The following COA1 variants were observed in gnomAD, a reference collection of about 807,000 sequenced individuals.
COA1 encodes the protein cytochrome c oxidase assembly factor 1.
A neutral mutation model predicts 16.0 loss-of-function variants in COA1; 13 were observed. The observed-to-expected ratio is 0.81, with a 90% CI of 0.53 to 1.29. The LOEUF is 1.29. Among genes scored for constraint, COA1 ranks in the 50% most tolerant of loss-of-function variants. The pLI, the probability that COA1 is intolerant of heterozygous loss-of-function variation, is 0.00. For missense variants in COA1, 179 were observed against 177.0 expected (o/e 1.01, Z -0.06); for synonymous variants, 65 against 65.7 (o/e 0.99, Z 0.05).
At chr7:43,691,670 G>A (rs1328966788) in intron 1 of COA1, among the ~76,000 whole-genome samples, 1 of 152,156 alleles carries the variant, frequency 6.6e-6, no homozygotes, top group Non-Finnish European at 1.5e-5. Flanking sequence ...GAGGACACCT[G>A]CTCTATCCTC....
intron 1 of COA1, among the ~76,000 whole-genome samples, chr7:43,663,948 T>C (rs1156509170): frequency 6.6e-6 from 1 of 151,938 alleles, no homozygotes; most frequent in South Asian, 2.1e-4. Flanking sequence ...CCATCTCTAC[T>C]AAAAAGAGAA....
At chr7:43,666,256 G>C (rs2092881055) in intron 1 of COA1, among the ~76,000 whole-genome samples, 1 of 152,162 alleles carries the variant, frequency 6.6e-6, no homozygotes, top group South Asian at 2.1e-4. Context: ...TGAAGAGCAT[G>C]GTAGAAGCAC....
At chr7:43,675,252 T>TA (rs1205835406) in intron 1 of COA1, among the ~76,000 whole-genome samples, 5 of 152,128 alleles carry the variant, frequency 3.3e-5, no homozygotes, top group African/African-American at 7.2e-5. Flanking sequence ...TATGCAGCCA[T>TA]AAAAAATGAA....
chr7:43,656,932 C>T (rs11771402), intron 1 of COA1, among the ~76,000 whole-genome samples: 3 of 151,598 alleles, frequency 2.0e-5, no homozygotes, highest in Admixed American at 6.6e-5. Flanking sequence ...CGGTGGCTCA[C>T]GCCTGTAATC....
chr7:43,616,957 A>G (rs1300792058), intron 6 of COA1, among the ~76,000 whole-genome samples: 1 of 152,202 alleles, frequency 6.6e-6, no homozygotes, highest in East Asian at 1.9e-4. Flanking sequence ...CCTCTCATCT[A>G]TGGAAATTGT....
intron 1 of COA1, among the ~76,000 whole-genome samples, chr7:43,683,045 A>G (rs1467802791): frequency 6.6e-6 from 1 of 151,984 alleles, no homozygotes; most frequent in Non-Finnish European, 1.5e-5. Context: ...TTTAGTAGAG[A>G]TGGGGTTTCA....
chr7:43,709,472 G>GTA (rs1156556426), intron 1 of COA1, among the ~76,000 whole-genome samples: 5 of 147,598 alleles, frequency 3.4e-5, no homozygotes, highest in Non-Finnish European at 4.5e-5. Flanking sequence ...GTGTGTGTGT[G>GTA]TATACGCATG....
At chr7:43,683,879 T>TA (rs1490997970) in intron 1 of COA1, among the ~76,000 whole-genome samples, 5 of 152,208 alleles carry the variant, frequency 3.3e-5, no homozygotes, top group Admixed American at 6.5e-5. Flanking sequence ...AAAACAGTTT[T>TA]ATCATACGCA....
At chr7:43,655,806 T>C (rs1359437598) in intron 1 of COA1, among the ~76,000 whole-genome samples, 1 of 152,228 alleles carries the variant, frequency 6.6e-6, no homozygotes, top group African/African-American at 2.4e-5. Context: ...GAATTGATGT[T>C]GGAACTGTTC....
chr7:43,615,397 G>A lies in COA1; in HGVS notation c.*134-5902C>T, dbSNP rs142396334. ...TCATCATGTTGCCCAGGCTGGTCTC[G>A]AACTCCTAAGCTCAAACAATCCACT... On this transcript the variant is annotated intron_variant and NMD_transcript_variant, in intron 6 of 6. Transcript: ENST00000415076. 3.2e-3 allele frequency among the ~76,000 whole-genome samples: 490 copies of A among 151,906 alleles called. 1 individual carries two copies. The highest frequency in any genetic ancestry group is 0.011 in the African/African-American group (457 of 41,396).
intron 1 of COA1, chr7:43,659,149 A>G (rs1221509446): frequency 2.0e-5 from 3 of 152,276 alleles, no homozygotes; most frequent in Non-Finnish European, 2.9e-5. Context: ...GCAGACCTGC[A>G]AAGAAGTAAA....
chr7:43,631,828 C>G (rs1349254099), intron 6 of COA1: 1 of 152,118 alleles, frequency 6.6e-6, no homozygotes, highest in Admixed American at 6.5e-5. Context: ...GAATTTTTTG[C>G]CTTTCCACTG....
chr7:43,644,087 C>T (rs2087997734), intron 4 of COA1, among the ~76,000 whole-genome samples: 1 of 152,148 alleles, frequency 6.6e-6, no homozygotes, highest in South Asian at 2.1e-4. Flanking sequence ...CCGTATCACA[C>T]TGACAGGCGA....
intron 1 of COA1, among the ~76,000 whole-genome samples, chr7:43,701,553 A>G (rs1433479025): frequency 2.6e-5 from 4 of 152,224 alleles, no homozygotes; most frequent in Non-Finnish European, 4.4e-5. Context: ...TGCTATTGTG[A>G]ATAGTGCTGC....
chr7:43,624,855 T>C, intron 6 of COA1: 1 of 1,567,514 alleles, frequency 6.4e-7, no homozygotes, highest in East Asian at 2.2e-5. Context: ...AATATTTCCC[T>C]TTAGAACTTC....
intron 6 of COA1, chr7:43,609,777 C>T (rs1012204011): frequency 3.3e-5 from 5 of 152,376 alleles, no homozygotes; most frequent in South Asian, 2.1e-4. Context: ...CTGAGAAGGC[C>T]GAAGCCTCTG....
At chr7:43,664,127 G>GAGAGAGAGAGAGAGAGAGAGAGAT (rs1231238244) in intron 1 of COA1, among the ~76,000 whole-genome samples, 10 of 150,786 alleles carry the variant, frequency 6.6e-5, no homozygotes, top group African/African-American at 2.5e-4. Context: ...GAGAGAGAGA[G>GAGAGAGAGAGAGAGAGAGAGAGAT]AGAGTCTTGC....
chr7:43,695,062 G>A (rs1190580175), intron 1 of COA1, among the ~76,000 whole-genome samples: 2 of 151,944 alleles, frequency 1.3e-5, no homozygotes, highest in Admixed American at 6.6e-5. Flanking sequence ...ACCACTTTTC[G>A]CCACCTTCAT....
intron 3 of COA1, chr7:43,646,236 G>C (rs541077855): frequency 2.2e-4 from 50 of 229,782 alleles, no homozygotes; most frequent in Middle Eastern, 1.8e-3. Context: ...GGGATACAGG[G>C]AATACCACAG....
Sources: allele counts gnomAD v4.1 joint callset (sites outside exome capture counted in the v4.1 genomes callset), GRCh38; gene constraint gnomAD v4.1.1; transcripts MANE v1.5; gene names NCBI Gene and HGNC (gene_info 2026-07-23, HGNC 2026-07-21).